Variants in BCAS3 observed in about 807,000 individuals in gnomAD.
The protein encoded by BCAS3 is BCAS3 microtubule associated cell migration factor.
Under a neutral mutation model 116.1 loss-of-function variants are expected in BCAS3, and 53 were observed. That is an observed-to-expected ratio of 0.46 (90% CI 0.37 to 0.57). The LOEUF is 0.57. Among genes scored for constraint, BCAS3 ranks in the 20% least tolerant of loss-of-function variants. The pLI, the probability that BCAS3 is intolerant of heterozygous loss-of-function variation, is 0.00. For synonymous variants in BCAS3, 391 were observed against 408.2 expected (o/e 0.96, Z 0.51); for missense variants, 917 against 1,165.4 (o/e 0.79, Z 3.10).
At chr17:60,817,263 C>T (rs1409191797) in intron 7 of BCAS3, among the ~76,000 whole-genome samples, 1 of 152,142 alleles carries the variant, frequency 6.6e-6, no homozygotes, top group Admixed American at 6.5e-5. Flanking sequence ...GTTTATTGTG[C>T]CACTGATCCA....
intron 6 of BCAS3, among the ~76,000 whole-genome samples, chr17:60,786,543 A>ATG (rs1250430526): frequency 3.9e-5 from 5 of 127,238 alleles, no homozygotes; most frequent in East Asian, 2.2e-4. Context: ...CTGCCTGCAA[A>ATG]TGTGTATATA....
rs1350985646 is a variant in BCAS3 at position 61,249,858 on chromosome 17, A to G, written c.2426-118469A>G. 6.6e-6 allele frequency among the ~76,000 whole-genome samples: 1 copy of G among 152,210 alleles called. No individual in the cohort carries two copies. Among genetic ancestry groups the G allele is most frequent in the Non-Finnish European group, 1.5e-5 (1 of 68,034 alleles). On this transcript the variant is annotated intron_variant, in intron 22 of 23. Transcript: ENST00000407086. This position sits in a 1 kb window ranked among gnomAD's most constrained non-coding sequence, Gnocchi z 6.2. Reference sequence around the variant, plus strand: ...ACCCATGGAATACAAAAAAAATGTGATGACCCAATCACATTTAAAGCTTTT... The same window carrying G: ...ACCCATGGAATACAAAAAAAATGTGGTGACCCAATCACATTTAAAGCTTTT...
At chr17:60,935,343 T>G (rs2059863241) in intron 13 of BCAS3, among the ~76,000 whole-genome samples, 1 of 152,166 alleles carries the variant, frequency 6.6e-6, no homozygotes, top group South Asian at 2.1e-4. Flanking sequence ...ACAATTATAG[T>G]TAATTAAATA....
At chr17:60,702,906 C>A (rs924660028) in intron 4 of BCAS3, among the ~76,000 whole-genome samples, 3 of 152,030 alleles carry the variant, frequency 2.0e-5, no homozygotes, top group Non-Finnish European at 2.9e-5. Flanking sequence ...AAAGGAAATT[C>A]TTGATGCTGT....
intron 12 of BCAS3, 110 bp downstream of exon 12, chr17:60,910,812 G>C: frequency 9.9e-7 from 1 of 1,010,222 alleles, no homozygotes; most frequent in Non-Finnish European, 1.4e-6. Flanking sequence ...TGGAATTTTA[G>C]GAATTCAGAT....
chr17:60,902,603 C>T lies in BCAS3; in HGVS notation c.739-17C>T. The T allele has an allele frequency of 2.5e-6, 4 of 1,584,954 alleles. No homozygotes were observed. Among genetic ancestry groups the T allele is most frequent in the African/African-American group, 1.3e-5 (1 of 74,418 alleles). On this transcript the variant is annotated splice_polypyrimidine_tract_variant and intron_variant, in intron 10 of 23. Transcript: ENST00000407086. ...AATAGAAATGACGTTCTGCTTCTCTCTCTCTCTTTTTCTCAGTTGATTCGA... is the reference window on the plus strand; with the variant it reads ...AATAGAAATGACGTTCTGCTTCTCTTTCTCTCTTTTTCTCAGTTGATTCGA...
At chr17:61,005,771 G>T in intron 15 of BCAS3, among the ~76,000 whole-genome samples, 2 of 148,416 alleles carry the variant, frequency 1.3e-5, no homozygotes, top group Non-Finnish European at 1.5e-5. Context: ...TTTTTTTTTA[G>T]GAAAAAATTT....
rs994206023 is a variant in BCAS3 at position 61,366,187 on chromosome 17, G to A, written c.2426-2140G>A. 6.6e-6 allele frequency among the ~76,000 whole-genome samples: 1 copy of A among 151,592 alleles called. No homozygotes were observed. On this transcript the variant is annotated intron_variant, in intron 22 of 23. Transcript: ENST00000407086. The surrounding 1 kb of genome is among the most constrained non-coding windows in gnomAD (Gnocchi z 4.5). The stretch of plus-strand genomic sequence containing the variant: ...GCCAACAGGGAGGAGGAGGGCCCAC[G>A]TTTTCTTGTTATCATTAAGTCCTTG...
intron 19 of BCAS3, among the ~76,000 whole-genome samples, chr17:61,047,381 C>T (rs1462104252): frequency 2.6e-5 from 4 of 151,950 alleles, no homozygotes; most frequent in African/African-American, 9.7e-5. Context: ...GATATTTCAG[C>T]AGTTTCACAG....
intron 6 of BCAS3, among the ~76,000 whole-genome samples, chr17:60,802,821 G>A (rs2047935693): frequency 6.6e-6 from 1 of 152,116 alleles, no homozygotes; most frequent in South Asian, 2.1e-4. Flanking sequence ...TAGAGATGGG[G>A]TTTCACCACA....
chr17:60,810,402 T>G, intron 7 of BCAS3: 1 of 491,208 alleles, frequency 2.0e-6, no homozygotes, highest in Non-Finnish European at 3.9e-6. Context: ...GCATCCAGAA[T>G]GAGAAAGAGA....
rs1161846430 is a variant in BCAS3 at position 60,902,601 on chromosome 17, C to G, written c.739-19C>G. 1 of 1,579,396 alleles carries G rather than the reference C, an allele frequency of 6.3e-7. No individual in the cohort carries two copies. The highest frequency in any genetic ancestry group is 1.7e-5 in the Admixed American group (1 of 59,910). On this transcript the variant is annotated intron_variant, in intron 10 of 23. Transcript: ENST00000407086. ...TTAATAGAAATGACGTTCTGCTTCTCTCTCTCTCTTTTTCTCAGTTGATTC... is the reference window on the plus strand; with the variant it reads ...TTAATAGAAATGACGTTCTGCTTCTGTCTCTCTCTTTTTCTCAGTTGATTC...
chr17:60,874,407 G>T (rs2055401809), intron 8 of BCAS3, among the ~76,000 whole-genome samples: 1 of 152,140 alleles, frequency 6.6e-6, no homozygotes, highest in African/African-American at 2.4e-5. Context: ...ATTTTTTGAG[G>T]TGGTAGTTTT....
At chr17:61,221,244 G>C (rs1178531227) in intron 22 of BCAS3, among the ~76,000 whole-genome samples, 1 of 152,186 alleles carries the variant, frequency 6.6e-6, no homozygotes, top group Non-Finnish European at 1.5e-5. Context: ...TTCTAAAGAA[G>C]ATCTCAGAAT....
chr17:60,685,862 T>C (rs1435295639), intron 3 of BCAS3, among the ~76,000 whole-genome samples: 1 of 151,758 alleles, frequency 6.6e-6, no homozygotes, highest in African/African-American at 2.4e-5. Context: ...GAGTAACTTT[T>C]TGTTATATTA....
chr17:60,857,107 A>G (rs1051128138), intron 7 of BCAS3, among the ~76,000 whole-genome samples: 1 of 152,244 alleles, frequency 6.6e-6, no homozygotes, highest in Non-Finnish European at 1.5e-5. Context: ...ACTTACATAA[A>G]GAAAAGGTCA....
Position 61,204,848 on chromosome 17 carries a change from T to C in BCAS3, c.2425+120284T>C, listed in dbSNP as rs1378823887. Reference sequence around the variant, plus strand: ...ACGCAGATCAGTTGAGGCCAGGAGTTCGAGACCAGCCTGGGCAACAGGGCA... The same window carrying C: ...ACGCAGATCAGTTGAGGCCAGGAGTCCGAGACCAGCCTGGGCAACAGGGCA... On this transcript the variant is annotated intron_variant, in intron 22 of 23. Coordinates refer to ENST00000407086, the MANE Select transcript of BCAS3 (RefSeq NM_017679.5). This position sits in a 1 kb window ranked among gnomAD's most constrained non-coding sequence, Gnocchi z 4.2. Among the ~76,000 whole-genome samples, 1 of 152,042 alleles carries C rather than the reference T, an allele frequency of 6.6e-6. No individual in the cohort carries two copies. Among genetic ancestry groups the C allele is most frequent in the Non-Finnish European group, 1.5e-5 (1 of 68,012 alleles).
At chr17:61,373,761 G>A (rs1325279883) in intron 23 of BCAS3, among the ~76,000 whole-genome samples, 1 of 128,038 alleles carries the variant, frequency 7.8e-6, no homozygotes, top group African/African-American at 2.7e-5. Flanking sequence ...ATGCATCTCT[G>A]TTGCAGGAAG....
rs2080769146 is a variant in BCAS3 at position 61,200,701 on chromosome 17, C to G, written c.2425+116137C>G. On this transcript the variant is annotated intron_variant, in intron 22 of 23. Transcript: ENST00000407086. The surrounding 1 kb of genome is among the most constrained non-coding windows in gnomAD (Gnocchi z 5.1). ...TTAGTATCTTTTTACTATTATCTTG[C>G]TTCTGTTTCAGCCAAAATTTGGATT... Among the ~76,000 whole-genome samples the G allele has an allele frequency of 6.6e-6, 1 of 152,222 alleles. No homozygotes were observed. Among genetic ancestry groups the G allele is most frequent in the Non-Finnish European group, 1.5e-5 (1 of 68,040 alleles).
Sources: gnomAD v4.1 joint callset for allele counts (sites outside exome capture counted in the v4.1 genomes callset) on GRCh38, gnomAD v4.1.1 for gene constraint, Gnocchi (gnomAD v3.1) non-coding constraint, MANE v1.5 for transcripts, NCBI Gene and HGNC (gene_info 2026-07-23, HGNC 2026-07-21) for gene names.